Variants in LRRC9 observed in about 807,000 individuals in gnomAD.
LRRC9 encodes the protein leucine-rich repeat-containing protein 9.
Under a neutral mutation model 63.2 loss-of-function variants are expected in LRRC9, and 122 were observed. The ratio of observed to expected loss-of-function variants is 1.93; its 90% confidence interval spans 1.67 to 2.24. The LOEUF is 2.24. Ranked by LOEUF, LRRC9 falls within the 30% of genes most tolerant of loss-of-function variation. The probability of loss-of-function intolerance (pLI) is 0.00; values close to 1 mark genes in which losing one functional copy is unlikely to be tolerated. For missense variants in LRRC9, 1,071 were observed against 627.7 expected, an observed-to-expected ratio of 1.71 and a Z score of -7.55; for synonymous variants, 366 against 213.1, an observed-to-expected ratio of 1.72 and a Z score of -6.25.
intron 7 of LRRC9, among the ~76,000 whole-genome samples, chr14:59,939,903 G>T (rs145010988): frequency 6.6e-6 from 1 of 152,022 alleles, no homozygotes; most frequent in African/African-American, 2.4e-5. Flanking sequence ...CCTAGATTGG[G>T]GGTATAAATT....
intron 29 of LRRC9, among the ~76,000 whole-genome samples, chr14:60,037,376 C>T (rs1272677335): frequency 6.6e-6 from 1 of 152,148 alleles, no homozygotes; most frequent in Admixed American, 6.5e-5. Context: ...GTTTACAGTC[C>T]CACCAACAGG....
chr14:59,939,353 G>T (rs1453999651), intron 7 of LRRC9, among the ~76,000 whole-genome samples: 1 of 151,946 alleles, frequency 6.6e-6, no homozygotes, highest in Non-Finnish European at 1.5e-5. Flanking sequence ...ATGTGAGACT[G>T]TAGACTGTTG....
At chr14:60,046,161 C>T (rs532148900) in intron 29 of LRRC9, among the ~76,000 whole-genome samples, 9 of 152,250 alleles carry the variant, frequency 5.9e-5, no homozygotes, top group African/African-American at 2.2e-4. Flanking sequence ...CTTGTAGACT[C>T]TGAATATTAG....
intron 7 of LRRC9, among the ~76,000 whole-genome samples, chr14:59,944,010 TAATC>T (rs1469843025): frequency 1.3e-5 from 2 of 152,034 alleles, no homozygotes; most frequent in Admixed American, 6.6e-5. Context: ...ATTATGGAAT[TAATC>T]AATTTATCAT....
At chr14:59,941,302 A>T (rs1163250189) in intron 7 of LRRC9, among the ~76,000 whole-genome samples, 2 of 151,900 alleles carry the variant, frequency 1.3e-5, no homozygotes, top group African/African-American at 2.4e-5. Context: ...AGTGGGAAGT[A>T]CACTTTTCAT....
At chr14:60,022,904 A>G (rs1891224273) in intron 27 of LRRC9, 34 bp downstream of exon 27, 2 of 503,992 alleles carry the variant, frequency 4.0e-6, no homozygotes, top group African/African-American at 4.0e-5. Context: ...ATAAGTCTTT[A>G]TTTTTAAAAA....
intron 8 of LRRC9, among the ~76,000 whole-genome samples, chr14:59,954,231 G>GA (rs1883484850): frequency 6.6e-6 from 1 of 152,174 alleles, no homozygotes; most frequent in African/African-American, 2.4e-5. Flanking sequence ...GAATAGCACT[G>GA]AATCTATAAA....
chr14:60,019,300 T>C, intron 26 of LRRC9, 40 bp downstream of exon 26: 1 of 653,946 alleles, frequency 1.5e-6, no homozygotes, highest in South Asian at 1.7e-5. Context: ...TAATTTTGGC[T>C]GGGAATTTTA....
chr14:60,053,110 C>A lies in LRRC9; in HGVS notation c.4036C>A (p.Pro1346Thr). The A allele has an allele frequency of 1.4e-6, 1 of 701,264 alleles. No individual in the cohort carries two copies. Among genetic ancestry groups the A allele is most frequent in the Non-Finnish European group, 2.6e-6 (1 of 384,002 alleles). 43.4% of individuals were successfully genotyped at this position (701,264 alleles called of 1,614,324 possible). ...TCGCCACATGCTTATATTTCGACTG[C>A]CTAACTTACAGATGTTAGATGGAAG... Residue 1346 changes from proline (P) to threonine (T), a missense_variant, in exon 30 of 32, where the codon CCT becomes ACT. Pro to Thr is a conservative substitution (Grantham distance 38, BLOSUM62 -1). Transcript: ENST00000445360. This position sits in a 1 kb window ranked among gnomAD's most constrained non-coding sequence, Gnocchi z 4.8.
In LRRC9 at chr14:60,027,170, A is replaced by C. The variant is rs1891623848; in HGVS notation, c.3704-714A>C. On this transcript the variant is annotated intron_variant, in intron 27 of 31. Coordinates refer to ENST00000445360, the Ensembl canonical transcript of LRRC9. The surrounding 1 kb of genome is among the most constrained non-coding windows in gnomAD (Gnocchi z 4.0). Reference sequence around the variant, plus strand: ...TTTATGTCTTTGAGAAAGCCACTTAATTTCTCTGACCCTCAATTTTCTGAT... The same window carrying C: ...TTTATGTCTTTGAGAAAGCCACTTACTTTCTCTGACCCTCAATTTTCTGAT... Among the ~76,000 whole-genome samples the C allele has an allele frequency of 6.6e-6, 1 of 152,072 alleles. No individual in the cohort carries two copies. Among genetic ancestry groups the C allele is most frequent in the South Asian group, 2.1e-4 (1 of 4,832 alleles).
In LRRC9 at chr14:59,934,205, G is replaced by T. The variant is rs576024536; in HGVS notation, c.543+2166G>T. ...AAGAAATAGATGCAAGAGACATTAT[G>T]GTTGTTGAATTTGCAGAATTTCACA... On this transcript the variant is annotated intron_variant, in intron 6 of 31. Transcript: ENST00000445360. Among the ~76,000 whole-genome samples the T allele has an allele frequency of 3.3e-5, 5 of 152,270 alleles. No homozygotes were observed. In the South Asian group the frequency reaches 1.0e-3, roughly 32 times the overall value.
At chr14:59,978,973 A>C (rs915688872) in intron 15 of LRRC9, among the ~76,000 whole-genome samples, 2 of 152,228 alleles carry the variant, frequency 1.3e-5, no homozygotes, top group Non-Finnish European at 2.9e-5. Flanking sequence ...TGGGCAAAAA[A>C]CATTATATTT....
At chr14:59,928,365 G>T (rs1178956332) in exon 3 of LRRC9, 1 of 696,246 alleles carries the variant, frequency 1.4e-6, no homozygotes, top group Non-Finnish European at 2.6e-6. Context: ...CGTATAGTTG[G>T]ATTATCATTA....
rs1353713730 is a variant in LRRC9 at position 60,051,848 on chromosome 14, G to A, written c.3991-1217G>A. On this transcript the variant is annotated intron_variant, in intron 29 of 31. Coordinates refer to ENST00000445360, the Ensembl canonical transcript of LRRC9. The surrounding 1 kb of genome is among the most constrained non-coding windows in gnomAD (Gnocchi z 4.7). ...TCACAAGGGGATCTCCCAATTTGTG[G>A]GTTGCAAAGATTCATGGGAGAAGCG... Among the ~76,000 whole-genome samples the A allele has an allele frequency of 6.6e-6, 1 of 152,168 alleles. No homozygotes were observed. Among genetic ancestry groups the A allele is most frequent in the African/African-American group, 2.4e-5 (1 of 41,444 alleles).
At chr14:60,020,472 T>C (rs1891033415) in intron 26 of LRRC9, among the ~76,000 whole-genome samples, 1 of 151,954 alleles carries the variant, frequency 6.6e-6, no homozygotes, top group Admixed American at 6.6e-5. Context: ...TTTCTAATAG[T>C]TTTATTGAAG....
At chr14:60,001,928 T>G (rs1889401917) in intron 19 of LRRC9, 38 bp from the exon 20 acceptor site, 1 of 619,004 alleles carries the variant, frequency 1.6e-6, no homozygotes, top group South Asian at 1.9e-5. Context: ...CTCTGTATAC[T>G]GTTTCCTTTT....
intron 22 of LRRC9, among the ~76,000 whole-genome samples, chr14:60,007,257 A>G (rs961356727): frequency 2.6e-5 from 4 of 152,176 alleles, no homozygotes; most frequent in African/African-American, 9.6e-5. Context: ...CCGTTCCCCC[A>G]GTATAATTAC....
At chr14:60,050,557 C>G (rs762830408) in intron 29 of LRRC9, among the ~76,000 whole-genome samples, 5 of 152,168 alleles carry the variant, frequency 3.3e-5, no homozygotes, top group Non-Finnish European at 7.3e-5. Context: ...CCTTCTGAAG[C>G]CTACTTCTAT....
intron 29 of LRRC9, among the ~76,000 whole-genome samples, chr14:60,037,052 G>A (rs1477438652): frequency 6.6e-6 from 1 of 152,116 alleles, no homozygotes; most frequent in Non-Finnish European, 1.5e-5. Flanking sequence ...TGCTCAGAAT[G>A]ATGGTTTCCA....
Sources: allele counts gnomAD v4.1 joint callset (sites outside exome capture counted in the v4.1 genomes callset), GRCh38; gene constraint gnomAD v4.1.1; non-coding constraint Gnocchi (gnomAD v3.1); transcripts MANE v1.5; gene names NCBI Gene and HGNC (gene_info 2026-07-23, HGNC 2026-07-21).